The following ASTN2 variants were observed in gnomAD, a reference collection of about 807,000 sequenced individuals.
The protein encoded by ASTN2 is astrotactin-2.
A neutral mutation model predicts 139.8 loss-of-function variants in ASTN2; 54 were observed. That is an observed-to-expected ratio of 0.39 (90% CI 0.31 to 0.48). The LOEUF (loss-of-function observed/expected upper bound fraction) is 0.48, where lower values mean the gene tolerates loss of function less well. Ranked by LOEUF, ASTN2 falls within the 20% of genes least tolerant of loss-of-function variation. The pLI is 0.95. For synonymous variants in ASTN2, 756 were observed against 719.5 expected (o/e 1.05, Z -0.81); for missense variants, 1,565 against 1,725.1 (o/e 0.91, Z 1.64).
At position 117,316,360 on chromosome 9, in the gene ASTN2, G is replaced by T. The variant is rs148633588; in HGVS notation, c.443-24847C>A. ...GTTGAGAATTGGAGGTGGGGTGAGC[G>T]GTGGGAGAGGGAGAGAATGAATGAC... On this transcript the variant is annotated intron_variant, in intron 1 of 22. Coordinates refer to ENST00000313400, the MANE Select transcript of ASTN2 (RefSeq NM_001365068.1). 1.3e-3 allele frequency among the ~76,000 whole-genome samples: 198 copies of T among 152,190 alleles called. 1 individual carries two copies. The highest frequency in any genetic ancestry group is 4.1e-3 in the African/African-American group (171 of 41,504).
At chr9:117,371,357 A>T (rs564480212) in intron 1 of ASTN2, among the ~76,000 whole-genome samples, 1 of 152,318 alleles carries the variant, frequency 6.6e-6, no homozygotes, top group Admixed American at 6.5e-5. Flanking sequence ...ATATGGTAAC[A>T]TCCCTCCCTG....
intron 19 of ASTN2, among the ~76,000 whole-genome samples, chr9:116,523,339 C>A (rs985686999): frequency 6.6e-6 from 1 of 152,012 alleles, no homozygotes; most frequent in South Asian, 2.1e-4. Flanking sequence ...TTGAGATGGA[C>A]ATTTTGATCA....
intron 7 of ASTN2, among the ~76,000 whole-genome samples, chr9:116,993,325 T>C (rs1272008323): frequency 2.6e-5 from 4 of 152,066 alleles, no homozygotes; most frequent in Non-Finnish European, 5.9e-5. Context: ...TCCCTTTACC[T>C]ACACTATGCT....
At chr9:117,372,232 G>T (rs921169560) in intron 1 of ASTN2, among the ~76,000 whole-genome samples, 1 of 152,164 alleles carries the variant, frequency 6.6e-6, no homozygotes, top group Non-Finnish European at 1.5e-5. Flanking sequence ...CCCTGCACCT[G>T]CCTCTTCCTC....
At chr9:116,836,572 T>C (rs1478519021) in intron 11 of ASTN2, among the ~76,000 whole-genome samples, 2 of 61,442 alleles carry the variant, frequency 3.3e-5, no homozygotes, top group African/African-American at 1.1e-4. Context: ...GGGAGAGCAG[T>C]TTTGTTTTGT....
At chr9:116,793,270 A>G (rs1250731065) in intron 13 of ASTN2, among the ~76,000 whole-genome samples, 1 of 152,242 alleles carries the variant, frequency 6.6e-6, no homozygotes, top group Non-Finnish European at 1.5e-5. Flanking sequence ...AAAGCCAAAA[A>G]CTGGAAGCAA....
chr9:116,948,901 C>T (rs1016207230), intron 10 of ASTN2, among the ~76,000 whole-genome samples: 5 of 140,460 alleles, frequency 3.6e-5, no homozygotes, highest in South Asian at 2.3e-4. Flanking sequence ...GAGCCATTCT[C>T]CTGCCTCAGC....
intron 17 of ASTN2, among the ~76,000 whole-genome samples, chr9:116,643,834 C>G (rs1418529816): frequency 6.6e-6 from 1 of 152,206 alleles, no homozygotes; most frequent in African/African-American, 2.4e-5. Context: ...TTTCTCTCTT[C>G]TAACACTATT....
At position 116,513,710 on chromosome 9, in the gene ASTN2, T is replaced by C. The variant is rs563732532; in HGVS notation, c.3356-26210A>G. On this transcript the variant is annotated intron_variant, in intron 19 of 22. Transcript: ENST00000313400. ...GGCTTTGTTTGTTTCTTTTTATTCT[T>C]TTTTCTCTAAACTTCTCTTCTTGCT... is the stretch of plus-strand genomic sequence containing the variant. Among the ~76,000 whole-genome samples the C allele has an allele frequency of 3.7e-3, 571 of 152,302 alleles. 5 individuals are homozygous for C. The highest frequency in any genetic ancestry group is 1.1e-3 in the Non-Finnish European group (73 of 68,032).
intron 11 of ASTN2, among the ~76,000 whole-genome samples, chr9:116,826,104 G>A (rs150138416): frequency 1.2e-4 from 19 of 152,278 alleles, no homozygotes; most frequent in East Asian, 1.9e-4. Context: ...CCAAAGCACC[G>A]TTTTTGACAG....
chr9:116,914,914 C>A (rs903956105), intron 10 of ASTN2, among the ~76,000 whole-genome samples: 5 of 152,138 alleles, frequency 3.3e-5, no homozygotes, highest in Non-Finnish European at 7.4e-5. Flanking sequence ...GTCATAAAAC[C>A]AGTAAAGGCT....
At chr9:117,203,213 G>C (rs1366241391) in intron 3 of ASTN2, among the ~76,000 whole-genome samples, 1 of 151,868 alleles carries the variant, frequency 6.6e-6, no homozygotes, top group East Asian at 2.0e-4. Flanking sequence ...CTCTAAACTG[G>C]TTACTCTAGT....
chr9:116,509,024 T>C (rs947491608), intron 19 of ASTN2, among the ~76,000 whole-genome samples: 4 of 152,160 alleles, frequency 2.6e-5, no homozygotes, highest in Non-Finnish European at 5.9e-5. Context: ...TATTTTTAAC[T>C]ATAATTTAAG....
intron 16 of ASTN2, chr9:116,686,684 G>T: frequency 6.5e-7 from 1 of 1,550,082 alleles, no homozygotes; most frequent in East Asian, 2.4e-5. Flanking sequence ...ACTTGGTTTG[G>T]GTTCCCGGGT....
intron 6 of ASTN2, among the ~76,000 whole-genome samples, chr9:117,033,496 G>T (rs113476362): frequency 0.036 from 5,485 of 152,150 alleles, 195 homozygotes; most frequent in South Asian, 0.16. Flanking sequence ...TGTAACTGAA[G>T]CTTAAAATGT....
intron 20 of ASTN2, 107 bp downstream of exon 20, chr9:116,487,252 G>C: frequency 7.2e-7 from 1 of 1,384,252 alleles, no homozygotes; most frequent in Non-Finnish European, 9.8e-7. Context: ...ATACAGGCTA[G>C]CTAATAAAAC....
intron 13 of ASTN2, among the ~76,000 whole-genome samples, chr9:116,735,317 T>C (rs1044746045): frequency 2.0e-5 from 3 of 152,030 alleles, no homozygotes; most frequent in Non-Finnish European, 4.4e-5. Context: ...AATCTGGGAG[T>C]GTGGAACAGC....
At chr9:117,363,319 TAAAAC>T in intron 1 of ASTN2, among the ~76,000 whole-genome samples, 1 of 152,230 alleles carries the variant, frequency 6.6e-6, no homozygotes, top group South Asian at 2.1e-4. Context: ...GAAAGAGAAA[TAAAAC>T]AAATACTTTA....
chr9:116,991,679 G>A (rs1207315741), intron 7 of ASTN2, among the ~76,000 whole-genome samples: 1 of 151,824 alleles, frequency 6.6e-6, no homozygotes, highest in African/African-American at 2.4e-5. Context: ...GTCAGGGGCA[G>A]AGCCCCTGCT....
Sources: allele counts gnomAD v4.1 joint callset (sites outside exome capture counted in the v4.1 genomes callset), GRCh38; gene constraint gnomAD v4.1.1; transcripts MANE v1.5; gene names NCBI Gene and HGNC (gene_info 2026-07-23, HGNC 2026-07-21).